TRIM55: variants seen among roughly 807,000 people sequenced by gnomAD.
The protein encoded by TRIM55 is tripartite motif containing 55.
Under a neutral mutation model 60.9 loss-of-function variants are expected in TRIM55, and 50 were observed. The ratio of observed to expected loss-of-function variants is 0.82; its 90% CI spans 0.65 to 1.04. TRIM55 has a LOEUF of 1.04. Ranked by LOEUF, TRIM55 falls within the 50% of genes least tolerant of loss-of-function variation. The pLI is 0.00. For synonymous variants in TRIM55, 237 were observed against 238.1 expected, an observed-to-expected ratio of 1.00 and a Z score of 0.04; for missense variants, 681 against 666.9, an observed-to-expected ratio of 1.02 and a Z score of -0.23.
chr8:66,137,266 C>G (rs1281031965), intron 4 of TRIM55, 76 bp downstream of exon 4: 1 of 1,024,432 alleles, frequency 9.8e-7, no homozygotes, highest in Non-Finnish European at 1.5e-6. Flanking sequence ...TAGTGCCACA[C>G]TAGACATCCC....
chr8:66,125,817 T>C (rs2128971341), upstream of TRIM55, among the ~76,000 whole-genome samples: 1 of 152,076 alleles, frequency 6.6e-6, no homozygotes, highest in East Asian at 1.9e-4. Flanking sequence ...CACACATAAC[T>C]GACCTACACT....
intron 1 of TRIM55, among the ~76,000 whole-genome samples, chr8:66,127,899 G>A (rs548975910): frequency 3.3e-5 from 5 of 152,132 alleles, no homozygotes; most frequent in African/African-American, 4.8e-5. Flanking sequence ...AGAAAAACAC[G>A]TTTCTTTTAA....
At chr8:66,133,541 C>A (rs910614660) in intron 2 of TRIM55, among the ~76,000 whole-genome samples, 1 of 152,176 alleles carries the variant, frequency 6.6e-6, no homozygotes, top group Non-Finnish European at 1.5e-5. Context: ...GTGGTCAAAT[C>A]AGAAGGTCAT....
intron 8 of TRIM55, among the ~76,000 whole-genome samples, chr8:66,153,635 G>A (rs576999006): frequency 4.0e-5 from 6 of 151,092 alleles, no homozygotes; most frequent in Admixed American, 1.4e-4. Context: ...CTAAGTGAGG[G>A]TTGGATTTGA....
chr8:66,145,173 T>C (rs1810034618), intron 4 of TRIM55, among the ~76,000 whole-genome samples: 1 of 152,220 alleles, frequency 6.6e-6, no homozygotes. Flanking sequence ...AGTTAGTCTC[T>C]TGTGTGTGGG....
At chr8:66,129,617 C>G (rs189044863) in intron 2 of TRIM55, among the ~76,000 whole-genome samples, 15 of 152,294 alleles carry the variant, frequency 9.8e-5, no homozygotes, top group African/African-American at 3.4e-4. Context: ...CTTCCAAAGT[C>G]TCTTGACAAG....
intron 7 of TRIM55, among the ~76,000 whole-genome samples, chr8:66,152,033 A>C (rs962423191): frequency 2.0e-5 from 3 of 152,174 alleles, no homozygotes; most frequent in African/African-American, 7.2e-5. Context: ...GACAGAGATA[A>C]ATAAGTGACA....
rs996649334 is a variant in TRIM55 at position 66,174,939 on chromosome 8, T to G, written c.*346T>G. On this transcript the variant is annotated 3_prime_UTR_variant, in exon 10 of 10. Coordinates refer to ENST00000315962, the MANE Select transcript of TRIM55 (RefSeq NM_184085.2). ...GTGGTCACTATGCTTTTGTCTCTCA[T>G]AGGCACTGACTTTTTGTTATTATAT... 1 of 162,344 alleles carries G rather than the reference T, an allele frequency of 6.2e-6. No individual in the cohort carries two copies. The highest frequency in any genetic ancestry group is 2.4e-5 in the African/African-American group (1 of 41,556). 10.1% of individuals were successfully genotyped at this position (162,344 alleles called of 1,614,324 possible).
intron 4 of TRIM55, among the ~76,000 whole-genome samples, chr8:66,148,135 A>G (rs1440736296): frequency 2.0e-5 from 3 of 152,206 alleles, no homozygotes; most frequent in Non-Finnish European, 4.4e-5. Context: ...TCCTGGACCC[A>G]GAGATGGTCA....
chr8:66,114,085 C>T, the TRIM55 span, among the ~76,000 whole-genome samples: 25 of 127,660 alleles, frequency 2.0e-4, 4 homozygotes, highest in Middle Eastern at 0.015. Context: ...GAGAGACACC[C>T]CCCCCCCCAT....
chr8:66,131,162 A>G (rs1187764127), intron 2 of TRIM55, among the ~76,000 whole-genome samples: 2 of 152,120 alleles, frequency 1.3e-5, no homozygotes, highest in African/African-American at 4.8e-5. Flanking sequence ...ATCATGTGCA[A>G]TTCTTTAATT....
At chr8:66,170,326 T>C (rs1289338468) in intron 9 of TRIM55, among the ~76,000 whole-genome samples, 1 of 152,218 alleles carries the variant, frequency 6.6e-6, no homozygotes, top group Non-Finnish European at 1.5e-5. Context: ...GTAAGTGGAA[T>C]CATATAATAT....
Position 66,127,206 on chromosome 8 carries a change from A to G in TRIM55, c.-63A>G. On this transcript the variant is annotated 5_prime_UTR_variant, in exon 1 of 10. Transcript: ENST00000315962. ...CACAATCCCTGGAATAATATCCAGG[A>G]AACACTTGCTGGAGCCACTCGCAGC... is the stretch of plus-strand genomic sequence containing the variant. 2 of 1,489,814 alleles carry G rather than the reference A, an allele frequency of 1.3e-6. No homozygotes were observed. The allele number at this position is 1,489,814 out of a possible 1,614,324, so 92.3% of individuals were successfully genotyped here. A position where few individuals can be genotyped will look rare whatever the true frequency, so the allele number is the denominator to read the frequency against.
At chr8:66,157,740 T>C (rs1810823968) in intron 9 of TRIM55, among the ~76,000 whole-genome samples, 1 of 152,220 alleles carries the variant, frequency 6.6e-6, no homozygotes. Flanking sequence ...GGTGCTTTCC[T>C]TACATCCATG....
At chr8:66,162,330 T>A (rs528968685) in intron 9 of TRIM55, among the ~76,000 whole-genome samples, 1 of 152,264 alleles carries the variant, frequency 6.6e-6, no homozygotes, top group Non-Finnish European at 1.5e-5. Flanking sequence ...TTTATTGGCT[T>A]ATGTATATTA....
chr8:66,149,576 T>A, intron 4 of TRIM55, 69 bp from the exon 5 acceptor site: 1 of 1,227,010 alleles, frequency 8.1e-7, no homozygotes, highest in Non-Finnish European at 1.2e-6. Flanking sequence ...TTTCCCAGGA[T>A]AACTAGGTGA....
intron 1 of TRIM55, 69 bp downstream of exon 1, chr8:66,127,505 T>C: frequency 1.3e-6 from 2 of 1,561,898 alleles, no homozygotes; most frequent in Non-Finnish European, 8.8e-7. Flanking sequence ...AATCAAGTGC[T>C]TAACATTGAG....
At position 66,175,414 on chromosome 8, in the gene TRIM55, C is replaced by G. The variant is rs1811864910; in HGVS notation, c.*821C>G. ...TAAATCATGCTTTGTTAATATTTGT[C>G]CCACCATAATGCCTCCTTCAGAACA... On this transcript the variant is annotated 3_prime_UTR_variant, in exon 10 of 10. Transcript: ENST00000315962. The G allele has an allele frequency of 6.6e-6, 1 of 152,146 alleles. No homozygotes were observed. The highest frequency in any genetic ancestry group is 2.4e-5 in the African/African-American group (1 of 41,510). The allele number at this position is 152,146 out of a possible 1,614,324, so 9.4% of individuals were successfully genotyped here.
intron 9 of TRIM55, among the ~76,000 whole-genome samples, chr8:66,170,952 C>G (rs1300908798): frequency 2.0e-5 from 3 of 152,198 alleles, no homozygotes; most frequent in Non-Finnish European, 4.4e-5. Flanking sequence ...TCTGACAGAG[C>G]CTTGTAGACA....
Sources: allele counts gnomAD v4.1 joint callset (sites outside exome capture counted in the v4.1 genomes callset), GRCh38; gene constraint gnomAD v4.1.1; transcripts MANE v1.5; gene names NCBI Gene and HGNC (gene_info 2026-07-23, HGNC 2026-07-21).